The following LUZP2 variants were observed in gnomAD, a reference collection of about 807,000 sequenced individuals.
The protein encoded by LUZP2 is leucine zipper protein 2.
In LUZP2, 52 loss-of-function variants were observed where a neutral mutation model predicts 51.6. The ratio of observed to expected loss-of-function variants is 1.01; its 90% CI spans 0.81 to 1.27. The LOEUF is 1.27. Among genes scored for constraint, LUZP2 ranks in the 50% most tolerant of loss-of-function variants. The pLI is 0.00. For missense variants in LUZP2, 436 were observed against 395.4 expected (o/e 1.10, Z -0.87); for synonymous variants, 154 against 137.3 (o/e 1.12, Z -0.85).
chr11:25,034,982 A>T (rs922484463), intron 9 of LUZP2, among the ~76,000 whole-genome samples: 1 of 152,118 alleles, frequency 6.6e-6, no homozygotes, highest in African/African-American at 2.4e-5. Context: ...GATAAAATCC[A>T]ACATTCTTTT....
At chr11:24,725,760 G>GT (rs1565100639) in intron 1 of LUZP2, among the ~76,000 whole-genome samples, 2 of 152,134 alleles carry the variant, frequency 1.3e-5, no homozygotes, top group African/African-American at 4.8e-5. Context: ...TTAATCTCTA[G>GT]TACATTAGAT....
intron 1 of LUZP2, among the ~76,000 whole-genome samples, chr11:24,619,470 G>C (rs888966321): frequency 6.6e-6 from 1 of 152,160 alleles, no homozygotes; most frequent in Admixed American, 6.6e-5. Flanking sequence ...ATACTTGAAA[G>C]ACACTGGCAC....
At chr11:25,040,853 T>G (rs1858033051) in intron 9 of LUZP2, among the ~76,000 whole-genome samples, 1 of 152,178 alleles carries the variant, frequency 6.6e-6, no homozygotes, top group African/African-American at 2.4e-5. Context: ...TTCATCTGCA[T>G]GATCCTTACT....
intron 3 of LUZP2, among the ~76,000 whole-genome samples, chr11:24,734,413 A>G (rs1256078864): frequency 6.6e-6 from 1 of 151,942 alleles, no homozygotes; most frequent in Admixed American, 6.6e-5. Flanking sequence ...TTAATCATCA[A>G]GTGTACATGT....
chr11:24,792,821 T>C (rs758456894), intron 5 of LUZP2, among the ~76,000 whole-genome samples: 4 of 152,182 alleles, frequency 2.6e-5, no homozygotes, highest in African/African-American at 7.2e-5. Flanking sequence ...CTGCATGAAC[T>C]TGGTGTCAGG....
intron 1 of LUZP2, among the ~76,000 whole-genome samples, chr11:24,554,546 T>C (rs1292675293): frequency 6.6e-6 from 1 of 152,032 alleles, no homozygotes; most frequent in East Asian, 1.9e-4. Context: ...TAATGCGTAA[T>C]CTCTAGATGT....
chr11:24,971,206 C>T (rs1214788710), intron 7 of LUZP2, among the ~76,000 whole-genome samples: 3 of 152,044 alleles, frequency 2.0e-5, no homozygotes, highest in East Asian at 3.9e-4. Context: ...CATTTTTCCA[C>T]GTACCTGAGA....
intron 1 of LUZP2, among the ~76,000 whole-genome samples, chr11:24,667,440 C>T (rs912264139): frequency 2.6e-5 from 4 of 152,110 alleles, no homozygotes; most frequent in Admixed American, 2.0e-4. Context: ...CGTCCTCAGC[C>T]TCCCAAACTG....
chr11:24,870,213 A>G (rs1264166859), intron 5 of LUZP2, among the ~76,000 whole-genome samples: 1 of 152,144 alleles, frequency 6.6e-6, no homozygotes, highest in Non-Finnish European at 1.5e-5. Context: ...TATTAAGGAA[A>G]GCTGAGAAAG....
intron 5 of LUZP2, among the ~76,000 whole-genome samples, chr11:24,793,654 G>C (rs911773746): frequency 6.6e-6 from 1 of 152,164 alleles, no homozygotes. Context: ...CGGCTTGTTA[G>C]TCATGAGGGA....
chr11:25,038,461 T>A (rs1857932484), intron 9 of LUZP2, among the ~76,000 whole-genome samples: 1 of 152,192 alleles, frequency 6.6e-6, no homozygotes, highest in African/African-American at 2.4e-5. Context: ...ATCACACATA[T>A]CACAAAATTG....
intron 9 of LUZP2, among the ~76,000 whole-genome samples, chr11:24,988,939 A>G (rs10834566): frequency 0.39 from 58,914 of 151,500 alleles, 13,723 homozygotes; most frequent in East Asian, 0.68. Context: ...ACAGAATTAT[A>G]TTTGCAAGAG....
At chr11:24,562,326 A>G (rs1852069130) in intron 1 of LUZP2, among the ~76,000 whole-genome samples, 1 of 152,110 alleles carries the variant, frequency 6.6e-6, no homozygotes, top group African/African-American at 2.4e-5. Flanking sequence ...ATCTTGTCCT[A>G]TGGGTCAAGA....
intron 7 of LUZP2, among the ~76,000 whole-genome samples, chr11:24,949,250 C>G (rs1855001526): frequency 6.6e-6 from 1 of 151,366 alleles, no homozygotes; most frequent in South Asian, 2.1e-4. Context: ...CCTACATCCT[C>G]TATTTCTTTC....
intron 7 of LUZP2, among the ~76,000 whole-genome samples, chr11:24,948,802 C>CTCTA (rs201706014): frequency 2.7e-4 from 33 of 123,678 alleles, no homozygotes; most frequent in African/African-American, 7.9e-4. Context: ...CCTCTTGAAA[C>CTCTA]TCTATCTATC....
intron 1 of LUZP2, among the ~76,000 whole-genome samples, chr11:24,728,643 C>A (rs1858585270): frequency 6.6e-6 from 1 of 152,022 alleles, no homozygotes; most frequent in African/African-American, 2.4e-5. Context: ...TATCACTTAA[C>A]AGTCTTCTGA....
intron 5 of LUZP2, among the ~76,000 whole-genome samples, chr11:24,889,362 G>T (rs765402300): frequency 6.6e-6 from 1 of 152,134 alleles, no homozygotes; most frequent in Non-Finnish European, 1.5e-5. Flanking sequence ...AGGTGAGGAG[G>T]TGATGCAAAC....
At chr11:24,637,389 C>T (rs72880673) in intron 1 of LUZP2, among the ~76,000 whole-genome samples, 5,713 of 151,782 alleles carry the variant, frequency 0.038, 157 homozygotes, top group Non-Finnish European at 0.046. Flanking sequence ...GTTGGTAAAA[C>T]GTGTATTTGA....
At chr11:24,926,273 GTGTATATATA>G (rs1854235764) in intron 7 of LUZP2, among the ~76,000 whole-genome samples, 1 of 111,620 alleles carries the variant, frequency 9.0e-6, no homozygotes, top group African/African-American at 3.8e-5. Context: ...ATATATATAC[GTGTATATATA>G]TATACGTGTG....
Sources: allele counts gnomAD v4.1 joint callset (sites outside exome capture counted in the v4.1 genomes callset), GRCh38; gene constraint gnomAD v4.1.1; transcripts MANE v1.5; gene names NCBI Gene and HGNC (gene_info 2026-07-23, HGNC 2026-07-21).